Variants in KCTD1 observed in about 807,000 individuals in gnomAD.
KCTD1 encodes the protein BTB/POZ domain-containing protein KCTD1.
KCTD1 carries 24 observed loss-of-function variants against 66.0 expected under a neutral mutation model. That is an observed-to-expected ratio of 0.36 (90% CI 0.26 to 0.51). The LOEUF is 0.51. Among genes scored for constraint, KCTD1 ranks in the 20% least tolerant of loss-of-function variants. The pLI, the probability that KCTD1 is intolerant of heterozygous loss-of-function variation, is 0.95. For missense variants in KCTD1, 943 were observed against 1,205.2 expected, an observed-to-expected ratio of 0.78 and a Z score of 3.22; for synonymous variants, 511 against 517.2, an observed-to-expected ratio of 0.99 and a Z score of 0.16.
At chr18:26,617,982 A>G (rs1003443249) in intron 1 of KCTD1, among the ~76,000 whole-genome samples, 5 of 151,938 alleles carry the variant, frequency 3.3e-5, no homozygotes, top group Non-Finnish European at 5.9e-5. Flanking sequence ...CTATAACAGT[A>G]CATCACAGCA....
chr18:26,488,855 A>G (rs1404395458), intron 2 of KCTD1, among the ~76,000 whole-genome samples: 1 of 152,222 alleles, frequency 6.6e-6, no homozygotes, highest in Non-Finnish European at 1.5e-5. Flanking sequence ...TGTCTTTTCC[A>G]CTGATACCAC....
intron 1 of KCTD1, among the ~76,000 whole-genome samples, chr18:26,534,505 C>A (rs893009205): frequency 4.6e-5 from 7 of 152,026 alleles, no homozygotes; most frequent in African/African-American, 1.7e-4. Flanking sequence ...GACCCTTTGT[C>A]TTATCTTTCA....
Position 26,490,167 on chromosome 18 carries a change from A to C in KCTD1, c.1988+10905T>G, listed in dbSNP as rs191634157. Among the ~76,000 whole-genome samples, 119 of 152,310 alleles carry C rather than the reference A, an allele frequency of 7.8e-4. 1 individual carries two copies. The highest frequency in any genetic ancestry group is 9.3e-4 in the Non-Finnish European group (63 of 68,032). On this transcript the variant is annotated intron_variant, in intron 2 of 4. Transcript: ENST00000580059. ...ACCACCATGGTGCCCATGGTACTGC[A>C]TGGTGACGCGTTTACATCTCACCAC...
intron 1 of KCTD1, chr18:26,657,268 T>A (rs957294410): frequency 2.2e-6 from 2 of 922,494 alleles, no homozygotes; most frequent in Non-Finnish European, 2.6e-6. Context: ...TCTCGCCCCA[T>A]GCCTGGCACA....
intron 1 of KCTD1, among the ~76,000 whole-genome samples, chr18:26,567,608 C>T (rs1598944965): frequency 6.6e-6 from 1 of 151,970 alleles, no homozygotes; most frequent in East Asian, 1.9e-4. Flanking sequence ...CTGCCTCAGC[C>T]TCCCGAGTAG....
At chr18:26,466,974 G>A (rs1034276941) in intron 3 of KCTD1, among the ~76,000 whole-genome samples, 2 of 152,120 alleles carry the variant, frequency 1.3e-5, no homozygotes, top group African/African-American at 4.8e-5. Context: ...GTGGAGTCAA[G>A]CAGGGAAACT....
At chr18:26,606,396 G>A (rs953407247) in intron 1 of KCTD1, among the ~76,000 whole-genome samples, 10 of 152,136 alleles carry the variant, frequency 6.6e-5, no homozygotes, top group Non-Finnish European at 1.5e-4. Flanking sequence ...AGACAGTTGG[G>A]GGGCCTTAGA....
At chr18:26,594,563 G>C (rs1026546968) in intron 1 of KCTD1, among the ~76,000 whole-genome samples, 1 of 152,154 alleles carries the variant, frequency 6.6e-6, no homozygotes. Flanking sequence ...GGTAACTGCA[G>C]CACAAATGCG....
At chr18:26,466,668 C>T (rs1403346194) in intron 3 of KCTD1, among the ~76,000 whole-genome samples, 1 of 152,186 alleles carries the variant, frequency 6.6e-6, no homozygotes, top group Non-Finnish European at 1.5e-5. Flanking sequence ...GCCTAAGGAG[C>T]ATGCAACTCA....
intron 1 of KCTD1, among the ~76,000 whole-genome samples, chr18:26,584,540 T>C (rs1166333173): frequency 6.6e-6 from 1 of 152,238 alleles, no homozygotes; most frequent in Non-Finnish European, 1.5e-5. Context: ...CTTTCAGTCA[T>C]TCATTCAACA....
intron 1 of KCTD1, among the ~76,000 whole-genome samples, chr18:26,576,005 C>T (rs1039515318): frequency 4.6e-5 from 7 of 152,174 alleles, no homozygotes; most frequent in African/African-American, 1.4e-4. Context: ...CATATATTCA[C>T]AGAAGGATAC....
chr18:26,463,399 C>T (rs913087890), intron 3 of KCTD1, among the ~76,000 whole-genome samples: 2 of 151,152 alleles, frequency 1.3e-5, no homozygotes, highest in Admixed American at 6.6e-5. Context: ...CCTAGGAGAC[C>T]GAGAAAGACC....
At chr18:26,627,967 T>G (rs1488611742) in intron 1 of KCTD1, among the ~76,000 whole-genome samples, 1 of 152,188 alleles carries the variant, frequency 6.6e-6, no homozygotes, top group African/African-American at 2.4e-5. Context: ...CCCAGGGATC[T>G]GCAGGCTGCC....
intron 1 of KCTD1, among the ~76,000 whole-genome samples, chr18:26,637,372 A>G (rs1598978953): frequency 1.3e-5 from 2 of 152,338 alleles, no homozygotes; most frequent in East Asian, 1.9e-4. Flanking sequence ...ACAACGAAGA[A>G]TGTTCTCTCA....
chr18:26,504,473 C>T (rs934433075), intron 1 of KCTD1, among the ~76,000 whole-genome samples: 1 of 152,134 alleles, frequency 6.6e-6, no homozygotes, highest in Non-Finnish European at 1.5e-5. Context: ...TCAAAGTGAT[C>T]CTCCTGCCTC....
At chr18:26,524,171 C>T (rs1463472025) in intron 1 of KCTD1, among the ~76,000 whole-genome samples, 7 of 152,240 alleles carry the variant, frequency 4.6e-5, no homozygotes, top group Non-Finnish European at 1.0e-4. Flanking sequence ...CCTCACCAGG[C>T]ACACATTGCC....
At chr18:26,575,572 A>C (rs1458339215) in intron 1 of KCTD1, 1 of 152,250 alleles carries the variant, frequency 6.6e-6, no homozygotes, top group East Asian at 1.9e-4. Flanking sequence ...TCTGCAAGTC[A>C]CGGTCTTTGT....
rs1238195468 is a variant in KCTD1 at position 26,459,755 on chromosome 18, G to A, written c.2304C>T (p.Asp768=). 1.2e-6 allele frequency: 2 copies of A among 1,614,146 alleles called. No individual in the cohort carries two copies. Among genetic ancestry groups the A allele is most frequent in the Admixed American group, 1.7e-5 (1 of 60,018 alleles). The change falls in exon 4 of 5, where the codon GAC becomes GAT. Residue 768 remains aspartate (D), a synonymous_variant. Transcript: ENST00000580059. ...GAAATACTTCTTCTATCAAGGATTTGTCACCGCTTAGCGTGATCCTTTCTC... is the reference window on the plus strand; with the variant it reads ...GAAATACTTCTTCTATCAAGGATTTATCACCGCTTAGCGTGATCCTTTCTC... ...DLGERITLSG[D]KSLIEEVFPE... is the part of the protein sequence containing the mutation.
intron 1 of KCTD1, among the ~76,000 whole-genome samples, chr18:26,565,050 C>T (rs901355270): frequency 5.3e-5 from 8 of 152,116 alleles, no homozygotes; most frequent in Non-Finnish European, 1.0e-4. Context: ...AAAAAGTTGA[C>T]CAACTTTTCT....
Sources: allele counts gnomAD v4.1 joint callset (sites outside exome capture counted in the v4.1 genomes callset), GRCh38; gene constraint gnomAD v4.1.1; transcripts MANE v1.5; gene names NCBI Gene and HGNC (gene_info 2026-07-23, HGNC 2026-07-21).